SFI1: variants seen among roughly 807,000 people sequenced by gnomAD.
The protein encoded by SFI1 is protein SFI1 homolog.
Under a neutral mutation model 207.5 loss-of-function variants are expected in SFI1, and 195 were observed. That is an observed-to-expected ratio of 0.94 (90% CI 0.84 to 1.06). The LOEUF is 1.06. Ranked by LOEUF, SFI1 falls within the 50% of genes least tolerant of loss-of-function variation. SFI1 has a pLI of 0.00. For missense variants in SFI1, 1,634 were observed against 1,588.0 expected, an observed-to-expected ratio of 1.03 and a Z score of -0.49; for synonymous variants, 630 against 598.9, an observed-to-expected ratio of 1.05 and a Z score of -0.76.
intron 12 of SFI1, among the ~76,000 whole-genome samples, chr22:31,583,000 C>G (rs1023312211): frequency 6.6e-6 from 1 of 152,058 alleles, no homozygotes; most frequent in Non-Finnish European, 1.5e-5. Flanking sequence ...TGTAGCTCAT[C>G]GTAGCCTCAT....
intron 11 of SFI1, among the ~76,000 whole-genome samples, chr22:31,579,516 C>T (rs1204146105): frequency 6.6e-6 from 1 of 152,054 alleles, no homozygotes; most frequent in Non-Finnish European, 1.5e-5. Flanking sequence ...GGGGTTTCAC[C>T]ATGTTAGCCA....
In SFI1 at chr22:31,541,899, A is replaced by G. The variant is rs573201517; in HGVS notation, c.339-4962A>G. Reference sequence around the variant, plus strand: ...GGGCGGATCACGAGGTCAGGAGATCAAGACCATCCTGGCTAACATGGTGAA... The same window carrying G: ...GGGCGGATCACGAGGTCAGGAGATCGAGACCATCCTGGCTAACATGGTGAA... On this transcript the variant is annotated intron_variant, in intron 4 of 32. Transcript: ENST00000400288. 3.2e-4 allele frequency among the ~76,000 whole-genome samples: 49 copies of G among 151,866 alleles called. 1 individual carries two copies. Among genetic ancestry groups the G allele is most frequent in the African/African-American group, 6.8e-4 (28 of 41,420 alleles).
intron 29 of SFI1, 148 bp from the exon 30 acceptor site, chr22:31,616,597 G>A (rs1449071273): frequency 1.5e-5 from 12 of 800,842 alleles, no homozygotes; most frequent in South Asian, 5.8e-5. Context: ...GAGCTGGCAC[G>A]GCCAGTGCCT....
At chr22:31,531,020 A>C in intron 3 of SFI1, 38 bp from the exon 4 acceptor site, 1 of 1,565,060 alleles carries the variant, frequency 6.4e-7, no homozygotes, top group Non-Finnish European at 8.8e-7. Flanking sequence ...GCCAAATGGA[A>C]TTTTAAAATA....
intron 2 of SFI1, among the ~76,000 whole-genome samples, chr22:31,514,759 A>G (rs575056407): frequency 1.3e-5 from 2 of 151,146 alleles, no homozygotes; most frequent in African/African-American, 4.9e-5. Context: ...GTTGTCGAAA[A>G]CGACAGAATT....
At chr22:31,588,417 A>G (rs938104215) in intron 14 of SFI1, among the ~76,000 whole-genome samples, 7 of 152,210 alleles carry the variant, frequency 4.6e-5, no homozygotes, top group African/African-American at 1.2e-4. Context: ...ACCATGTGCT[A>G]TTGGTCAGAG....
At chr22:31,611,997 A>G in intron 24 of SFI1, 157 bp downstream of exon 24, 1 of 1,426,192 alleles carries the variant, frequency 7.0e-7, no homozygotes, top group Non-Finnish European at 9.2e-7. Context: ...TGTCATTTCC[A>G]GGCACATCAG....
chr22:31,589,200 G>T (rs1423389864), intron 14 of SFI1, among the ~76,000 whole-genome samples: 1 of 107,536 alleles, frequency 9.3e-6, no homozygotes, highest in Non-Finnish European at 2.0e-5. Context: ...GAGAGTGTGT[G>T]TATGTGTGTG....
At chr22:31,556,122 A>G (rs1005799333) in intron 6 of SFI1, among the ~76,000 whole-genome samples, 1 of 151,880 alleles carries the variant, frequency 6.6e-6, no homozygotes, top group Admixed American at 6.6e-5. Flanking sequence ...AAAAAGAGTG[A>G]GCTTGGAGTC....
At chr22:31,538,233 G>T (rs1181936662) in intron 4 of SFI1, 4 of 150,118 alleles carry the variant, frequency 2.7e-5, no homozygotes, top group African/African-American at 9.8e-5. Flanking sequence ...AAAGTGCTGG[G>T]ATTACAGGCA....
intron 2 of SFI1, among the ~76,000 whole-genome samples, chr22:31,508,703 G>A (rs1056093225): frequency 6.6e-6 from 1 of 152,084 alleles, no homozygotes; most frequent in African/African-American, 2.4e-5. Flanking sequence ...GATCATGGTT[G>A]CTTTCAGACT....
intron 2 of SFI1, among the ~76,000 whole-genome samples, chr22:31,522,980 T>C (rs1027280904): frequency 6.6e-6 from 1 of 152,188 alleles, no homozygotes. Context: ...CTCTATAATA[T>C]TCCATTGTGA....
intron 15 of SFI1, among the ~76,000 whole-genome samples, chr22:31,598,901 C>CCCAGGT (rs1403080925): frequency 6.8e-6 from 1 of 146,452 alleles, no homozygotes; most frequent in Non-Finnish European, 1.5e-5. Flanking sequence ...TCAAGCAACT[C>CCCAGGT]TCCTGCCTCA....
At position 31,528,841 on chromosome 22, in the gene SFI1, C is replaced by T. The variant is rs550696235; in HGVS notation, c.244C>T (p.Arg82Trp). The T allele has an allele frequency of 2.2e-5, 35 of 1,613,730 alleles. No homozygotes were observed. Among genetic ancestry groups the T allele is most frequent in the South Asian group, 7.7e-5 (7 of 91,056 alleles). Reference protein sequence around the residue: ...RGTHTCTRQGRLRELRIRCVA... With the variant: ...RGTHTCTRQGWLRELRIRCVA... Reference sequence around the variant, plus strand: ...CACACATACTTGTACCCGACAGGGCCGGTTAAGAGAACTGCGCATCAGGTG... The same window carrying T: ...CACACATACTTGTACCCGACAGGGCTGGTTAAGAGAACTGCGCATCAGGTG... Residue 82 changes from arginine (R) to tryptophan (W), a missense_variant, in exon 3 of 33, where the codon CGG becomes TGG. By Grantham distance (101) the Arg-to-Trp change is moderately radical. Transcript: ENST00000400288.
intron 28 of SFI1, 91 bp from the exon 29 acceptor site, chr22:31,614,957 C>T: frequency 1.9e-6 from 3 of 1,575,574 alleles, no homozygotes; most frequent in Non-Finnish European, 2.6e-6. Context: ...TTTTGGCAGC[C>T]CTGGGGTGGG....
Position 31,575,579 on chromosome 22 carries a change from A to G in SFI1, c.1084+187A>G, listed in dbSNP as rs146483438. Among the ~76,000 whole-genome samples the G allele has an allele frequency of 9.8e-5, 15 of 152,340 alleles. No homozygotes were observed. In the East Asian group the frequency reaches 2.7e-3, roughly 27 times the overall value. On this transcript the variant is annotated intron_variant, in intron 10 of 32. Coordinates refer to ENST00000400288, the MANE Select transcript of SFI1 (RefSeq NM_001007467.3). The stretch of plus-strand genomic sequence containing the variant: ...TTGTGTATAAAAAGAGTGCTTATAT[A>G]TAGTTTAAAAATAATAAAATGAACA...
chr22:31,510,574 C>T (rs1473242343), intron 2 of SFI1, among the ~76,000 whole-genome samples: 1 of 152,024 alleles, frequency 6.6e-6, no homozygotes, highest in Non-Finnish European at 1.5e-5. Flanking sequence ...GCTGAGATTA[C>T]AGATGCATGC....
At chr22:31,606,219 T>C (rs1329512687) in intron 20 of SFI1, 109 bp from the exon 21 acceptor site, 1 of 929,910 alleles carries the variant, frequency 1.1e-6, no homozygotes, top group African/African-American at 1.6e-5. Flanking sequence ...TTCTTAGGTG[T>C]AGAGTCCCTG....
chr22:31,529,164 T>TC (rs1441801253), intron 3 of SFI1: 5 of 277,934 alleles, frequency 1.8e-5, no homozygotes, highest in East Asian at 6.5e-5. Context: ...ATTCTTTTTT[T>TC]CCCCCCAGAT....
Sources: allele counts gnomAD v4.1 joint callset (sites outside exome capture counted in the v4.1 genomes callset), GRCh38; gene constraint gnomAD v4.1.1; transcripts MANE v1.5; gene names NCBI Gene and HGNC (gene_info 2026-07-23, HGNC 2026-07-21).